Variants in MMP15 observed in about 807,000 individuals in gnomAD.
MMP15 encodes matrix metalloproteinase-15.
Under a neutral mutation model 65.0 loss-of-function variants are expected in MMP15, and 36 were observed. The observed-to-expected ratio is 0.55, with a 90% CI of 0.42 to 0.73. The LOEUF is 0.73. Ranked by LOEUF, MMP15 falls within the 30% of genes least tolerant of loss-of-function variation. The pLI, the probability that MMP15 is intolerant of heterozygous loss-of-function variation, is 0.00. For missense variants in MMP15, 870 were observed against 987.8 expected (o/e 0.88, Z 1.60); for synonymous variants, 428 against 410.2 (o/e 1.04, Z -0.52).
Position 58,041,602 on chromosome 16 carries a change from C to T in MMP15, c.911-15C>T. 1 of 1,568,384 alleles carries T rather than the reference C, an allele frequency of 6.4e-7. No individual in the cohort carries two copies. Among genetic ancestry groups the T allele is most frequent in the Non-Finnish European group, 8.6e-7 (1 of 1,157,634 alleles). ...GGAACACAGACCTCACTTCTGAACCCCTGCCTCTCTGCAGGTACCCCAGAC... is the reference window on the plus strand; with the variant it reads ...GGAACACAGACCTCACTTCTGAACCTCTGCCTCTCTGCAGGTACCCCAGAC... On this transcript the variant is annotated splice_polypyrimidine_tract_variant and intron_variant, in intron 5 of 9. Coordinates refer to ENST00000219271, the MANE Select transcript of MMP15 (RefSeq NM_002428.4).
intron 5 of MMP15, chr16:58,040,902 C>G (rs1959438667): frequency 4.0e-6 from 3 of 741,252 alleles, no homozygotes; most frequent in Non-Finnish European, 6.8e-6. Context: ...CTGGGCCTCA[C>G]TCGAGGCTGT....
At chr16:58,036,990 C>T (rs1043229054) in intron 1 of MMP15, among the ~76,000 whole-genome samples, 3 of 152,170 alleles carry the variant, frequency 2.0e-5, no homozygotes, top group African/African-American at 7.2e-5. Flanking sequence ...GCCTTTTTAA[C>T]GTGTCAGAGA....
chr16:58,037,758 C>A, intron 2 of MMP15, 138 bp downstream of exon 2: 1 of 1,285,014 alleles, frequency 7.8e-7, no homozygotes, highest in Non-Finnish European at 1.1e-6. Context: ...CTCCATGTCA[C>A]TTCTGATTGG....
At position 58,040,530 on chromosome 16, in the gene MMP15, C is replaced by G; in HGVS notation, c.749-7C>G. 1 of 1,611,422 alleles carries G rather than the reference C, an allele frequency of 6.2e-7. No individual in the cohort carries two copies. The highest frequency in any genetic ancestry group is 1.9e-4 in the Middle Eastern group (1 of 5,298). ...TGACTGTGCTGCCCTCCTTCTCTCC[C>G]CAAAAGGAAACAACCTCTTCCTGGT... On this transcript the variant is annotated splice_region_variant and splice_polypyrimidine_tract_variant and intron_variant, in intron 4 of 9. Transcript: ENST00000219271.
intron 3 of MMP15, among the ~76,000 whole-genome samples, 161 bp from the exon 4 acceptor site, chr16:58,039,714 C>G (rs1020549236): frequency 6.6e-6 from 1 of 152,238 alleles, no homozygotes; most frequent in African/African-American, 2.4e-5. Flanking sequence ...TCATGATCTC[C>G]TGGATTTGAC....
intron 1 of MMP15, among the ~76,000 whole-genome samples, chr16:58,032,669 C>T (rs1959257143): frequency 6.6e-6 from 1 of 152,238 alleles, no homozygotes; most frequent in Non-Finnish European, 1.5e-5. Flanking sequence ...AGCACAGGCT[C>T]TGTGCCTAGT....
Position 58,045,737 on chromosome 16 carries a change from G to A in MMP15, c.*291G>A. ...ATCCTCTGGCTTGGCCACAGCCAGG[G>A]GAGCAGAGGGGCAGAGGCCCACATT... is the stretch of plus-strand genomic sequence containing the variant. On this transcript the variant is annotated 3_prime_UTR_variant, in exon 10 of 10. Transcript: ENST00000219271. 3 of 422,684 alleles carry A rather than the reference G, an allele frequency of 7.1e-6. No individual in the cohort carries two copies. The highest frequency in any genetic ancestry group is 1.3e-5 in the Non-Finnish European group (3 of 238,320). 26.2% of individuals were successfully genotyped at this position (422,684 alleles called of 1,614,324 possible).
chr16:58,027,211 A>T (rs1963834510), intron 1 of MMP15, among the ~76,000 whole-genome samples: 1 of 152,108 alleles, frequency 6.6e-6, no homozygotes, highest in East Asian at 1.9e-4. Context: ...GAAGCCCTGG[A>T]TTCGAGAGGG....
At chr16:58,041,499 C>T in intron 5 of MMP15, 118 bp from the exon 6 acceptor site, 1 of 1,110,042 alleles carries the variant, frequency 9.0e-7, no homozygotes, top group Non-Finnish European at 1.3e-6. Flanking sequence ...GGGGAGGGGT[C>T]TGCTGTAGAT....
At position 58,045,630 on chromosome 16, in the gene MMP15, G is replaced by C; in HGVS notation, c.*184G>C. The C allele has an allele frequency of 1.7e-6, 1 of 583,316 alleles. No individual in the cohort carries two copies. The highest frequency in any genetic ancestry group is 3.0e-6 in the Non-Finnish European group (1 of 338,416). The allele number at this position is 583,316 out of a possible 1,614,324, so 36.1% of individuals were successfully genotyped here. A position where few individuals can be genotyped will look rare whatever the true frequency, so the allele number is the denominator to read the frequency against. ...TTTTTGGCACCTTACTTGACCATTTGTTTCTGTTTCCCCGACTGGGGCAGG... is the reference window on the plus strand; with the variant it reads ...TTTTTGGCACCTTACTTGACCATTTCTTTCTGTTTCCCCGACTGGGGCAGG... On this transcript the variant is annotated 3_prime_UTR_variant, in exon 10 of 10. Coordinates refer to ENST00000219271, the MANE Select transcript of MMP15 (RefSeq NM_002428.4).
At chr16:58,034,185 T>C (rs543823668) in intron 1 of MMP15, among the ~76,000 whole-genome samples, 10 of 152,334 alleles carry the variant, frequency 6.6e-5, no homozygotes, top group African/African-American at 2.4e-4. Context: ...AAGAGATTCC[T>C]TGTATTAGGG....
rs367945171 is a variant in MMP15 at position 58,029,803 on chromosome 16, C to T, written c.162+3291C>T. Among the ~76,000 whole-genome samples, 6 of 152,012 alleles carry T rather than the reference C, an allele frequency of 3.9e-5. No homozygotes were observed. In the East Asian group the frequency reaches 5.8e-4, roughly 15 times the overall value. ...TGGAGAGGAGCAACATGGAAATACA[C>T]GCTATCCCCACCCCCAAAAGAAGAC... On this transcript the variant is annotated intron_variant, in intron 1 of 9. Transcript: ENST00000219271.
At chr16:58,033,546 C>A (rs1959275629) in intron 1 of MMP15, among the ~76,000 whole-genome samples, 1 of 152,198 alleles carries the variant, frequency 6.6e-6, no homozygotes, top group African/African-American at 2.4e-5. Context: ...CTCCTGGTGG[C>A]CCATATCTCC....
chr16:58,040,405 G>A (rs1460206876), intron 4 of MMP15, 132 bp from the exon 5 acceptor site: 81 of 1,227,368 alleles, frequency 6.6e-5, no homozygotes, highest in Non-Finnish European at 8.6e-5. Context: ...GTTGTAGGCC[G>A]AAAGAGCTCA....
rs141377329 is a variant in MMP15, at chr16:58,045,364, C to T, written c.1928C>T (p.Thr643Ile). The change falls in exon 10 of 10, where the codon ACC (threonine) becomes ATC (isoleucine). Residue 643 changes from threonine to isoleucine, a missense_variant. Coordinates refer to ENST00000219271, the MANE Select transcript of MMP15 (RefSeq NM_002428.4). ...CTGCTGCTCTGCGTCCTGGGCCTCA[C>T]CTACGCGCTGGTGCAGATGCAGCGC... The part of the protein sequence containing the change: ...LLLLLCVLGL[T>I]YALVQMQRKG... 795 of 1,598,172 alleles carry T rather than the reference C, an allele frequency of 5.0e-4. 3 individuals carry two copies. The African/African-American group carries it at 9.4e-3, about 19-fold the overall frequency.
chr16:58,040,010 G>A lies in MMP15; in HGVS notation c.576G>A (p.Gln192=). The A allele has an allele frequency of 6.2e-7, 1 of 1,614,108 alleles. No individual in the cohort carries two copies. ...ATGAGGACATCCGGCTGCGGCGACA[G>A]AAGGAGGCCGACATCATGGTACTCT... ...VPYEDIRLRR[Q]KEADIMVLFA... Residue 192 remains glutamine (Q), a synonymous_variant, in exon 4 of 10, where the codon CAG becomes CAA. Coordinates refer to ENST00000219271, the MANE Select transcript of MMP15 (RefSeq NM_002428.4).
chr16:58,026,266 C>A lies in MMP15; in HGVS notation c.-85C>A. The stretch of plus-strand genomic sequence containing the variant: ...GAGGTCCGCGGCGCGCCTGCCGGGC[C>A]AGGAGCCAGGGAGCGTCGCAAGTTT... On this transcript the variant is annotated 5_prime_UTR_variant, in exon 1 of 10. Transcript: ENST00000219271. The A allele has an allele frequency of 1.6e-6, 2 of 1,227,826 alleles. No homozygotes were observed. The highest frequency in any genetic ancestry group is 2.0e-6 in the Non-Finnish European group (2 of 981,388). 76.1% of individuals were successfully genotyped at this position (1,227,826 alleles called of 1,614,324 possible).
chr16:58,026,486 G>T lies in MMP15; in HGVS notation c.136G>T (p.Ala46Ser). 7.2e-7 allele frequency: 1 copy of T among 1,387,714 alleles called. No individual in the cohort carries two copies. Among genetic ancestry groups the T allele is most frequent in the South Asian group, 1.6e-5 (1 of 63,938 alleles). 86.0% of individuals were successfully genotyped at this position (1,387,714 alleles called of 1,614,324 possible). The change falls in exon 1 of 10, where the codon GCC becomes TCC. Residue 46 changes from alanine to serine, a missense_variant. Transcript: ENST00000219271. ...LLGCLGLGVA[A>S]EDAEVHAENW... The stretch of plus-strand genomic sequence containing the variant: ...GGGCTGCCTGGGCCTTGGCGTAGCG[G>T]CCGAAGACGCGGAGGTCCATGCCGA...
intron 2 of MMP15, 31 bp from the exon 3 acceptor site, chr16:58,038,235 C>T (rs745499117): frequency 6.2e-7 from 1 of 1,609,886 alleles, no homozygotes; most frequent in African/African-American, 1.3e-5. Context: ...AGGGGAGGCT[C>T]CGTGCTCACC....
Sources: allele counts gnomAD v4.1 joint callset (sites outside exome capture counted in the v4.1 genomes callset), GRCh38; gene constraint gnomAD v4.1.1; transcripts MANE v1.5; gene names NCBI Gene and HGNC (gene_info 2026-07-23, HGNC 2026-07-21).